The following DCK variants were observed in gnomAD, a reference collection of about 807,000 sequenced individuals.
The protein encoded by DCK is deoxyadenosine kinase.
A neutral mutation model predicts 38.3 loss-of-function variants in DCK; 23 were observed. That is an observed-to-expected ratio of 0.60 (90% confidence interval 0.43 to 0.85). The LOEUF is 0.85. DCK is among the 40% of genes least tolerant of loss of function. The probability of loss-of-function intolerance (pLI) is 0.00; values close to 1 mark genes in which losing one functional copy is unlikely to be tolerated. For missense variants in DCK, 259 were observed against 304.4 expected (o/e 0.85, Z 1.11); for synonymous variants, 108 against 100.6 (o/e 1.07, Z -0.44).
At position 71,022,356 on chromosome 4, in the gene DCK, A is replaced by T. The variant is rs376048771; in HGVS notation, c.208-11A>T. The T allele has an allele frequency of 3.4e-6, 5 of 1,475,832 alleles. No homozygotes were observed. In the African/African-American group the frequency reaches 7.2e-5, roughly 21 times the overall value. The allele number at this position is 1,475,832 out of a possible 1,614,324, so 91.4% of individuals were successfully genotyped here. On this transcript the variant is annotated splice_polypyrimidine_tract_variant and intron_variant, in intron 2 of 6. Coordinates refer to ENST00000286648, the MANE Select transcript of DCK (RefSeq NM_000788.3). ...TTTTGCTTTTTATTTCTTTTTGCAC[A>T]TTCAAAATAGGAACTTACAATGTCT...
intron 2 of DCK, among the ~76,000 whole-genome samples, chr4:71,015,379 T>C (rs1030603783): frequency 5.3e-5 from 8 of 152,202 alleles, no homozygotes; most frequent in Non-Finnish European, 8.8e-5. Flanking sequence ...TACCATTCCT[T>C]CTGAAACTAT....
At chr4:71,017,069 A>G (rs1578426575) in intron 2 of DCK, among the ~76,000 whole-genome samples, 1 of 152,358 alleles carries the variant, frequency 6.6e-6, no homozygotes, top group Admixed American at 6.5e-5. Flanking sequence ...TCTACAATGA[A>G]CTCAAACAAA....
At chr4:71,026,951 A>G (rs1740562679) in intron 6 of DCK, among the ~76,000 whole-genome samples, 196 bp downstream of exon 6, 1 of 152,088 alleles carries the variant, frequency 6.6e-6, no homozygotes. Context: ...TAAAATAAAG[A>G]TCCTTCGGAA....
At chr4:70,999,392 G>T (rs1257124122) in intron 2 of DCK, among the ~76,000 whole-genome samples, 1 of 152,204 alleles carries the variant, frequency 6.6e-6, no homozygotes, top group Non-Finnish European at 1.5e-5. Flanking sequence ...TGGTGTATAT[G>T]TGCCACATTT....
chr4:71,028,652 A>G (rs1180188406), intron 6 of DCK: 8 of 443,620 alleles, frequency 1.8e-5, no homozygotes, highest in Admixed American at 2.5e-5. Context: ...CTGGAGTGCA[A>G]TGGCACAATC....
intron 4 of DCK, among the ~76,000 whole-genome samples, chr4:71,025,113 T>G (rs1740514246): frequency 6.6e-6 from 1 of 152,088 alleles, no homozygotes; most frequent in Non-Finnish European, 1.5e-5. Context: ...GAGTTTCTCA[T>G]GGTATATGAG....
At chr4:71,003,746 C>A (rs555000590) in intron 2 of DCK, among the ~76,000 whole-genome samples, 2 of 152,250 alleles carry the variant, frequency 1.3e-5, no homozygotes, top group East Asian at 3.9e-4. Flanking sequence ...TTAATCGATT[C>A]GGCTATTGAT....
intron 2 of DCK, among the ~76,000 whole-genome samples, chr4:70,998,944 G>A (rs976227073): frequency 6.6e-6 from 1 of 151,234 alleles, no homozygotes; most frequent in Non-Finnish European, 1.5e-5. Context: ...AAAAAGGAAA[G>A]TAAAATTTAT....
chr4:70,994,888 G>A (rs919321651), intron 1 of DCK, among the ~76,000 whole-genome samples: 1 of 152,110 alleles, frequency 6.6e-6, no homozygotes, highest in Non-Finnish European at 1.5e-5. Context: ...ACCAACGTCC[G>A]ATTCTTCTGT....
At chr4:71,007,340 G>A (rs1739971150) in intron 2 of DCK, among the ~76,000 whole-genome samples, 2 of 152,200 alleles carry the variant, frequency 1.3e-5, no homozygotes. Context: ...CTAATGTACA[G>A]TTTGAAGAAC....
chr4:71,012,473 G>A lies in DCK; in HGVS notation c.208-9894G>A, dbSNP rs1421734117. The stretch of plus-strand genomic sequence containing the variant: ...GAGAACGGACAGACTGCCTCTGCAA[G>A]TGGGTCCCTGACCCCCGAATAGCCT... On this transcript the variant is annotated intron_variant, in intron 2 of 6. Coordinates refer to ENST00000286648, the MANE Select transcript of DCK (RefSeq NM_000788.3). Among the ~76,000 whole-genome samples, 10 of 152,366 alleles carry A rather than the reference G, an allele frequency of 6.6e-5. No individual in the cohort carries two copies. In the South Asian group the frequency reaches 2.1e-3, roughly 32 times the overall value.
Position 71,025,878 on chromosome 4 carries a change from TTTAGAGAAGCTTCA to T in DCK, c.616_629del (p.Glu206Ter). ...AAGAGCAAGGCATTCCTCTTGAATA[TTTAGAGAAGCTTCA>T]TTATAAACATGAAAGCTGGCTCCTG... is the stretch of plus-strand genomic sequence containing the variant. On this transcript the variant is annotated frameshift_variant, in exon 5 of 7. Transcript: ENST00000286648. LOFTEE classifies it high-confidence loss of function. 1.2e-6 allele frequency: 2 copies of T among 1,611,334 alleles called. No homozygotes were observed. Among genetic ancestry groups the T allele is most frequent in the Non-Finnish European group, 1.7e-6 (2 of 1,178,510 alleles).
chr4:71,003,584 T>G (rs1198524129), intron 2 of DCK, among the ~76,000 whole-genome samples: 1 of 152,234 alleles, frequency 6.6e-6, no homozygotes, highest in Non-Finnish European at 1.5e-5. Context: ...CAGTTTCAGG[T>G]ATACCAGTCA....
chr4:71,019,406 A>G (rs1201978527), intron 2 of DCK, among the ~76,000 whole-genome samples: 3 of 152,158 alleles, frequency 2.0e-5, no homozygotes, highest in Non-Finnish European at 4.4e-5. Context: ...TGGCAAAAAT[A>G]TAAAATTTAT....
At chr4:71,003,094 C>T (rs1739851948) in intron 2 of DCK, among the ~76,000 whole-genome samples, 1 of 152,138 alleles carries the variant, frequency 6.6e-6, no homozygotes, top group Non-Finnish European at 1.5e-5. Context: ...GTGGCTGGTA[C>T]CGGTTTTTCC....
Position 71,007,106 on chromosome 4 carries a change from C to T in DCK, c.207+8924C>T, listed in dbSNP as rs112136525. On this transcript the variant is annotated intron_variant, in intron 2 of 6. Coordinates refer to ENST00000286648, the MANE Select transcript of DCK (RefSeq NM_000788.3). ...GGCATAGCTAACTTTAGACCTAGGG[C>T]CTAATTCAGTACACCCCAATCCTTA... 3.6e-3 allele frequency among the ~76,000 whole-genome samples: 545 copies of T among 152,168 alleles called. 4 individuals carry two copies. The highest frequency in any genetic ancestry group is 0.013 in the African/African-American group (528 of 41,520).
intron 4 of DCK, among the ~76,000 whole-genome samples, chr4:71,023,922 T>C (rs942994565): frequency 6.6e-6 from 1 of 152,180 alleles, no homozygotes; most frequent in Non-Finnish European, 1.5e-5. Flanking sequence ...TTTAGGCTCT[T>C]TGTGCTTCCT....
chr4:71,002,535 G>A (rs983652100), intron 2 of DCK, among the ~76,000 whole-genome samples: 3 of 151,488 alleles, frequency 2.0e-5, no homozygotes, highest in African/African-American at 7.3e-5. Flanking sequence ...TTTCTGTCTT[G>A]TTGATCTAAT....
At chr4:71,018,488 T>G (rs4308342) in intron 2 of DCK, among the ~76,000 whole-genome samples, 121,624 of 150,074 alleles carry the variant, frequency 0.81, 53,670 homozygotes, top group Non-Finnish European at 0.97. Flanking sequence ...AAGGTACAGG[T>G]TTTTTTTTTC....
Sources: allele counts gnomAD v4.1 joint callset (sites outside exome capture counted in the v4.1 genomes callset), GRCh38; gene constraint gnomAD v4.1.1; transcripts MANE v1.5; gene names NCBI Gene and HGNC (gene_info 2026-07-23, HGNC 2026-07-21).